PDS5B: variants seen among roughly 807,000 people sequenced by gnomAD.
PDS5B encodes the protein sister chromatid cohesion protein PDS5 homolog B.
PDS5B carries 51 observed loss-of-function variants against 184.1 expected under a neutral mutation model. The observed-to-expected ratio is 0.28, with a 90% CI of 0.22 to 0.35. PDS5B has a LOEUF of 0.35. Among genes scored for constraint, PDS5B ranks in the 10% least tolerant of loss-of-function variants. The pLI, the probability that PDS5B is intolerant of heterozygous loss-of-function variation, is 1.00. For missense variants in PDS5B, 1,180 were observed against 1,723.3 expected (o/e 0.68, Z 5.58); for synonymous variants, 566 against 569.2 (o/e 0.99, Z 0.08).
rs1951817065 is a variant in PDS5B, at chr13:32,699,879, G to GA, written c.1740+14dup. On this transcript the variant is annotated intron_variant, in intron 16 of 34. Transcript: ENST00000315596. ...GGCTGAAGGTTGTGTGGTAAGGAGA[G>GA]AAAAGAGCTGATGTTTGAAAAAGCC... is the stretch of plus-strand genomic sequence containing the variant. 6.5e-7 allele frequency: 1 copy of GA among 1,539,390 alleles called. No individual in the cohort carries two copies. Among genetic ancestry groups the GA allele is most frequent in the Admixed American group, 2.3e-5 (1 of 43,958 alleles).
intron 1 of PDS5B, among the ~76,000 whole-genome samples, chr13:32,610,692 G>C: frequency 6.6e-6 from 1 of 151,776 alleles, no homozygotes; most frequent in East Asian, 1.9e-4. Context: ...GTGGACTCTG[G>C]AACTTCACTG....
At chr13:32,636,524 G>C (rs965075857) in intron 1 of PDS5B, among the ~76,000 whole-genome samples, 2 of 152,220 alleles carry the variant, frequency 1.3e-5, no homozygotes, top group African/African-American at 4.8e-5. Flanking sequence ...TAAGGGCATA[G>C]GCTTTGGAAT....
chr13:32,587,683 A>C (rs1303909309), intron 1 of PDS5B, among the ~76,000 whole-genome samples: 13 of 152,146 alleles, frequency 8.5e-5, no homozygotes, highest in Admixed American at 7.2e-4. Flanking sequence ...GCAGCTACCC[A>C]CCCACTCCAC....
At chr13:32,638,618 T>C (rs951177416) in intron 1 of PDS5B, among the ~76,000 whole-genome samples, 1 of 151,312 alleles carries the variant, frequency 6.6e-6, no homozygotes, top group Admixed American at 6.6e-5. Flanking sequence ...CCTGAATGCC[T>C]TCCATCCATC....
intron 1 of PDS5B, among the ~76,000 whole-genome samples, chr13:32,607,423 C>T (rs1213115564): frequency 1.3e-5 from 2 of 152,326 alleles, no homozygotes; most frequent in South Asian, 4.1e-4. Context: ...CCTCTGGAAG[C>T]TTTGTCTCAG....
chr13:32,623,930 G>A (rs1023430172), intron 1 of PDS5B, among the ~76,000 whole-genome samples: 4 of 152,054 alleles, frequency 2.6e-5, no homozygotes, highest in African/African-American at 9.6e-5. Context: ...TCCTGCCTTA[G>A]CCTCCTGAGT....
intron 6 of PDS5B, among the ~76,000 whole-genome samples, chr13:32,667,331 A>G (rs946179519): frequency 6.6e-6 from 1 of 152,156 alleles, no homozygotes; most frequent in Non-Finnish European, 1.5e-5. Context: ...ACAGCTGCCC[A>G]AAACTCCTTT....
intron 13 of PDS5B, among the ~76,000 whole-genome samples, chr13:32,692,414 C>CTT (rs1593440334): frequency 0.015 from 1,012 of 69,140 alleles, 305 homozygotes; most frequent in African/African-American, 0.048. Flanking sequence ...GTCCAAAAAG[C>CTT]CTTTTTTTTT....
chr13:32,756,757 T>G (rs1954194235), intron 26 of PDS5B, among the ~76,000 whole-genome samples: 1 of 152,178 alleles, frequency 6.6e-6, no homozygotes, highest in South Asian at 2.1e-4. Flanking sequence ...AAAATCAAAT[T>G]AATGATGAAT....
At chr13:32,654,193 A>G (rs1950439803) in intron 3 of PDS5B, among the ~76,000 whole-genome samples, 1 of 152,122 alleles carries the variant, frequency 6.6e-6, no homozygotes, top group South Asian at 2.1e-4. Flanking sequence ...AATATTTAAG[A>G]GATTTCACTT....
chr13:32,763,966 A>G (rs1954498895), intron 30 of PDS5B, among the ~76,000 whole-genome samples: 1 of 152,216 alleles, frequency 6.6e-6, no homozygotes, highest in Non-Finnish European at 1.5e-5. Flanking sequence ...CTGGACCTTT[A>G]TATGAATGCC....
chr13:32,608,675 T>TCACTGC (rs2058097852), intron 1 of PDS5B, among the ~76,000 whole-genome samples: 1 of 152,134 alleles, frequency 6.6e-6, no homozygotes, highest in South Asian at 2.1e-4. Context: ...CATTGTTGTC[T>TCACTGC]CACTGCTTCT....
At chr13:32,727,942 C>G (rs1952967971) in intron 19 of PDS5B, among the ~76,000 whole-genome samples, 3 of 151,702 alleles carry the variant, frequency 2.0e-5, no homozygotes, top group Admixed American at 1.3e-4. Context: ...TTGATACTGT[C>G]TTATAGATCA....
At chr13:32,748,267 T>C (rs927211405) in intron 24 of PDS5B, among the ~76,000 whole-genome samples, 5 of 152,216 alleles carry the variant, frequency 3.3e-5, no homozygotes, top group African/African-American at 1.2e-4. Context: ...TCTCTTATCC[T>C]GTCTTCTCTG....
intron 12 of PDS5B, 52 bp from the exon 13 acceptor site, chr13:32,688,404 C>A: frequency 1.1e-6 from 1 of 886,752 alleles, no homozygotes; most frequent in Non-Finnish European, 1.8e-6. Flanking sequence ...TTATATACAA[C>A]TTTAGAACAT....
rs76381627 is a variant in PDS5B at position 32,665,940 on chromosome 13, T to C, written c.625-1824T>C. 8.4e-3 allele frequency among the ~76,000 whole-genome samples: 1,275 copies of C among 152,138 alleles called. 18 individuals are homozygous for C. The highest frequency in any genetic ancestry group is 0.029 in the African/African-American group (1,205 of 41,508). ...CAAATATGTTTTCACTCGTGGGGGC[T>C]AAAGAAAGGTCTCATGGAAGTAGAG... On this transcript the variant is annotated intron_variant, in intron 6 of 34. Transcript: ENST00000315596.
intron 15 of PDS5B, among the ~76,000 whole-genome samples, chr13:32,699,475 A>T (rs1951804739): frequency 6.6e-6 from 1 of 152,196 alleles, no homozygotes; most frequent in African/African-American, 2.4e-5. Flanking sequence ...ATTACAAGGG[A>T]TTACTTAGAA....
intron 10 of PDS5B, among the ~76,000 whole-genome samples, chr13:32,683,076 G>A (rs540903615): frequency 6.6e-6 from 1 of 151,780 alleles, no homozygotes; most frequent in African/African-American, 2.4e-5. Context: ...ACAGTGGCAC[G>A]ATCTCAGCTC....
At chr13:32,647,478 C>G (rs1950256619) in intron 1 of PDS5B, among the ~76,000 whole-genome samples, 1 of 151,996 alleles carries the variant, frequency 6.6e-6, no homozygotes, top group South Asian at 2.1e-4. Flanking sequence ...GGTATGTTGC[C>G]CAGGCTGTTC....
Sources: gnomAD v4.1 joint callset for allele counts (sites outside exome capture counted in the v4.1 genomes callset) on GRCh38, gnomAD v4.1.1 for gene constraint, MANE v1.5 for transcripts, NCBI Gene and HGNC (gene_info 2026-07-23, HGNC 2026-07-21) for gene names.